The following DAB1 variants were observed in gnomAD, a reference collection of about 807,000 sequenced individuals.
DAB1 encodes disabled homolog 1.
A neutral mutation model predicts 64.6 loss-of-function variants in DAB1; 15 were observed. That is an observed-to-expected ratio of 0.23 (90% confidence interval 0.16 to 0.36). DAB1 has a LOEUF of 0.36. Ranked by LOEUF, DAB1 falls within the 10% of genes least tolerant of loss-of-function variation. DAB1 has a pLI of 1.00. For synonymous variants in DAB1, 235 were observed against 251.9 expected, an observed-to-expected ratio of 0.93 and a Z score of 0.64; for missense variants, 596 against 706.7, an observed-to-expected ratio of 0.84 and a Z score of 1.78.
intron 4 of DAB1, among the ~76,000 whole-genome samples, chr1:58,185,226 T>TA (rs1392581600): frequency 6.6e-6 from 1 of 152,158 alleles, no homozygotes; most frequent in Non-Finnish European, 1.5e-5. Flanking sequence ...TCCTATGGTC[T>TA]AAAAAATGAG....
intron 3 of DAB1, among the ~76,000 whole-genome samples, chr1:58,456,591 T>C (rs1298464854): frequency 6.6e-6 from 1 of 152,182 alleles, no homozygotes; most frequent in African/African-American, 2.4e-5. Context: ...GGGATTTGTA[T>C]TTGCCAAGCC....
chr1:57,856,889 T>C (rs1653780685), intron 1 of DAB1, among the ~76,000 whole-genome samples: 2 of 152,056 alleles, frequency 1.3e-5, no homozygotes, highest in Admixed American at 6.5e-5. Context: ...ACACTCAGGG[T>C]CGGAAATTAT....
intron 4 of DAB1, among the ~76,000 whole-genome samples, chr1:58,256,703 T>C (rs1031235085): frequency 5.9e-5 from 9 of 152,036 alleles, no homozygotes; most frequent in African/African-American, 1.9e-4. Context: ...CTTGCAGTCA[T>C]GGGCTTTTTA....
intron 4 of DAB1, among the ~76,000 whole-genome samples, chr1:58,174,312 C>T (rs1020973758): frequency 3.3e-5 from 5 of 152,136 alleles, no homozygotes; most frequent in African/African-American, 7.2e-5. Flanking sequence ...CTTGCTATTA[C>T]TCACCTTTGG....
intron 7 of DAB1, among the ~76,000 whole-genome samples, chr1:57,603,456 T>C (rs1645599321): frequency 6.6e-6 from 1 of 152,214 alleles, no homozygotes; most frequent in African/African-American, 2.4e-5. Context: ...TCAGATAGCG[T>C]GAAGCCTGAT....
chr1:57,222,456 C>A (rs1347465921), intron 2 of DAB1, among the ~76,000 whole-genome samples: 1 of 152,130 alleles, frequency 6.6e-6, no homozygotes, highest in Non-Finnish European at 1.5e-5. Flanking sequence ...GAGCTCAGGA[C>A]TCCAAGAGAA....
chr1:57,273,565 T>G (rs965814617), intron 2 of DAB1, among the ~76,000 whole-genome samples: 958 of 54,008 alleles, frequency 0.018, 16 homozygotes, highest in Admixed American at 0.045. Context: ...CTTCCTTCCT[T>G]CCTTCCTTCC....
intron 5 of DAB1, among the ~76,000 whole-genome samples, chr1:58,149,507 G>A (rs1033699638): frequency 7.9e-5 from 12 of 152,116 alleles, no homozygotes; most frequent in Non-Finnish European, 1.5e-4. Flanking sequence ...CTATGGATAC[G>A]TTTCCTGAAT....
At chr1:58,527,928 A>G (rs1333759226) in intron 1 of DAB1, among the ~76,000 whole-genome samples, 1 of 152,246 alleles carries the variant, frequency 6.6e-6, no homozygotes, top group Admixed American at 6.5e-5. Context: ...AATTACTTGT[A>G]TTTATGTGAA....
intron 6 of DAB1, among the ~76,000 whole-genome samples, chr1:57,686,295 T>C (rs1237430199): frequency 6.6e-6 from 1 of 152,188 alleles, no homozygotes; most frequent in African/African-American, 2.4e-5. Flanking sequence ...TTAGAAATTC[T>C]AGAGGAAATG....
chr1:57,087,265 G>A (rs1653180101), intron 4 of DAB1, among the ~76,000 whole-genome samples: 1 of 152,236 alleles, frequency 6.6e-6, no homozygotes, highest in African/African-American at 2.4e-5. Context: ...ATGGGCAACT[G>A]TAATAGGGCA....
chr1:57,618,276 A>G (rs1645813245), intron 7 of DAB1, among the ~76,000 whole-genome samples: 2 of 152,156 alleles, frequency 1.3e-5, no homozygotes, highest in South Asian at 2.1e-4. Context: ...TTAGCTGGGC[A>G]TGGTGGTGCA....
chr1:58,206,087 C>T (rs1048755359), intron 4 of DAB1, among the ~76,000 whole-genome samples: 2 of 152,066 alleles, frequency 1.3e-5, no homozygotes, highest in Non-Finnish European at 2.9e-5. Context: ...GGACGTGCGC[C>T]CATGACACAG....
intron 5 of DAB1, among the ~76,000 whole-genome samples, chr1:58,073,558 G>C (rs1410753197): frequency 6.6e-6 from 1 of 152,170 alleles, no homozygotes; most frequent in Non-Finnish European, 1.5e-5. Context: ...AACATAGTAA[G>C]TCCTTCATAA....
chr1:57,852,312 C>T (rs1235685907), intron 1 of DAB1, among the ~76,000 whole-genome samples: 2 of 151,526 alleles, frequency 1.3e-5, no homozygotes, highest in Non-Finnish European at 2.9e-5. Context: ...TTTTCATACC[C>T]TTTTTTGTCC....
intron 6 of DAB1, among the ~76,000 whole-genome samples, chr1:57,740,636 G>T (rs1647941298): frequency 6.6e-6 from 1 of 152,152 alleles, no homozygotes; most frequent in South Asian, 2.1e-4. Context: ...ACTGCTTCGT[G>T]TTTCAGCATC....
intron 7 of DAB1, among the ~76,000 whole-genome samples, chr1:57,441,529 A>AT (rs1448019245): frequency 1.3e-5 from 2 of 151,502 alleles, no homozygotes; most frequent in African/African-American, 2.4e-5. Flanking sequence ...TAATTTTTGT[A>AT]TTTTTGTAGA....
intron 5 of DAB1, among the ~76,000 whole-genome samples, chr1:58,149,910 A>G (rs1276392137): frequency 1.3e-5 from 2 of 152,214 alleles, no homozygotes; most frequent in Admixed American, 1.3e-4. Context: ...AATGAAGCTA[A>G]GTCAGTTGCT....
intron 2 of DAB1, among the ~76,000 whole-genome samples, chr1:57,227,400 G>A (rs1435909657): frequency 2.0e-5 from 3 of 152,130 alleles, no homozygotes; most frequent in African/African-American, 4.8e-5. Context: ...GAGAGACACA[G>A]TAAAACAAAA....
Sources: gnomAD v4.1 joint callset for allele counts (sites outside exome capture counted in the v4.1 genomes callset) on GRCh38, gnomAD v4.1.1 for gene constraint, MANE v1.5 for transcripts, NCBI Gene and HGNC (gene_info 2026-07-23, HGNC 2026-07-21) for gene names.